PSD4: variants seen among roughly 807,000 people sequenced by gnomAD.
PSD4 encodes PH and SEC7 domain-containing protein 4.
Under a neutral mutation model 112.5 loss-of-function variants are expected in PSD4, and 59 were observed. The ratio of observed to expected loss-of-function variants is 0.52; its 90% CI spans 0.43 to 0.65. PSD4 has a LOEUF of 0.65. Among genes scored for constraint, PSD4 ranks in the 30% least tolerant of loss-of-function variants. The pLI is 0.00. For synonymous variants in PSD4, 533 were observed against 540.0 expected (o/e 0.99, Z 0.18); for missense variants, 1,267 against 1,352.6 (o/e 0.94, Z 0.99).
intron 6 of PSD4, among the ~76,000 whole-genome samples, 174 bp downstream of exon 6, chr2:113,192,763 A>G (rs1688486049): frequency 6.6e-6 from 1 of 151,896 alleles, no homozygotes; most frequent in Non-Finnish European, 1.5e-5. Context: ...ACTCTCAGTC[A>G]TGGTCCTCAT....
At chr2:113,193,786 G>A (rs2104504971) in intron 9 of PSD4, 73 bp from the exon 10 acceptor site, 2 of 1,573,720 alleles carry the variant, frequency 1.3e-6, no homozygotes, top group East Asian at 2.2e-5. Context: ...AGGGTTCCAT[G>A]GTTGCTGGCT....
At chr2:113,180,159 T>G (rs901534848) in intron 1 of PSD4, among the ~76,000 whole-genome samples, 15 of 152,106 alleles carry the variant, frequency 9.9e-5, no homozygotes, top group African/African-American at 3.1e-4. Context: ...CCCCTGACCT[T>G]CGTGAGAGAG....
At chr2:113,198,557 C>T in intron 14 of PSD4, 183 bp from the exon 15 acceptor site, 1 of 650,556 alleles carries the variant, frequency 1.5e-6, no homozygotes, top group South Asian at 3.8e-5. Context: ...CCAAATTTTC[C>T]TCTTTATTGA....
chr2:113,193,302 G>C lies in PSD4; in HGVS notation c.1964G>C (p.Arg655Pro), dbSNP rs149806578. ...ALVLSGETQE[R>P]ERILYQFSRR... ...GTGCTCAGTGGGGAGACTCAGGAACGGGAGCGAATCCTCTACCAGTTCTCC... is the reference window on the plus strand; with the variant it reads ...GTGCTCAGTGGGGAGACTCAGGAACCGGAGCGAATCCTCTACCAGTTCTCC... The change falls in exon 8 of 17, where the codon CGG becomes CCG. Residue 655 changes from arginine to proline, a missense_variant. This residue lies in a region of PSD4 where 544 missense variants were observed against 648.6 expected (regional missense o/e 0.84). Coordinates refer to ENST00000245796, the MANE Select transcript of PSD4 (RefSeq NM_012455.3). 8 of 1,596,644 alleles carry C rather than the reference G, an allele frequency of 5.0e-6. No individual in the cohort carries two copies. The African/African-American group carries it at 1.1e-4, about 22-fold the overall frequency.
At chr2:113,193,417 GC>G (rs1205053589) in intron 8 of PSD4, 47 bp downstream of exon 8, 1 of 1,574,870 alleles carries the variant, frequency 6.3e-7, no homozygotes, top group East Asian at 2.2e-5. Context: ...ACTTTGGGGT[GC>G]CCATGTCTGC....
Position 113,201,716 on chromosome 2 carries a change from T to C in PSD4, c.*301T>C. 1 of 425,126 alleles carries C rather than the reference T, an allele frequency of 2.4e-6. No homozygotes were observed. The highest frequency in any genetic ancestry group is 2.7e-5 in the South Asian group (1 of 36,504). 26.3% of individuals were successfully genotyped at this position (425,126 alleles called of 1,614,324 possible). A position where few individuals can be genotyped will look rare whatever the true frequency, so the allele number is the denominator to read the frequency against. ...TCCCAGAGCTCAGCCCATGTCACCC[T>C]CCAGGCCCCAGAATCCAGAGTGGCC... On this transcript the variant is annotated 3_prime_UTR_variant, in exon 17 of 17. Coordinates refer to ENST00000245796, the MANE Select transcript of PSD4 (RefSeq NM_012455.3).
In PSD4 at chr2:113,201,608, C is replaced by T; in HGVS notation, c.*193C>T. The T allele has an allele frequency of 2.6e-6, 2 of 763,744 alleles. No homozygotes were observed. Among genetic ancestry groups the T allele is most frequent in the African/African-American group, 1.8e-5 (1 of 56,932 alleles). 47.3% of individuals were successfully genotyped at this position (763,744 alleles called of 1,614,324 possible). Reference sequence around the variant, plus strand: ...AAGCTTTCCTAATATTGCTGTGCTCCCCACCACCCCCATGGCAGTCCCTCC... The same window carrying T: ...AAGCTTTCCTAATATTGCTGTGCTCTCCACCACCCCCATGGCAGTCCCTCC... On this transcript the variant is annotated 3_prime_UTR_variant, in exon 17 of 17. Coordinates refer to ENST00000245796, the MANE Select transcript of PSD4 (RefSeq NM_012455.3).
chr2:113,185,130 A>T, intron 3 of PSD4, 57 bp downstream of exon 3: 2 of 1,611,468 alleles, frequency 1.2e-6, no homozygotes, highest in South Asian at 2.2e-5. Flanking sequence ...GAGGAATATG[A>T]GCCCATTCAT....
chr2:113,192,391 G>T lies in PSD4; in HGVS notation c.1640G>T (p.Arg547Met). 6.2e-7 allele frequency: 1 copy of T among 1,614,158 alleles called. No individual in the cohort carries two copies. Among genetic ancestry groups the T allele is most frequent in the Non-Finnish European group, 8.5e-7 (1 of 1,180,002 alleles). Reference sequence around the variant, plus strand: ...ATGTCTATCTCAAGTGAGAATCTGAGGACACCGATGAACTCTTCTTGGCTT... The same window carrying T: ...ATGTCTATCTCAAGTGAGAATCTGATGACACCGATGAACTCTTCTTGGCTT... ...HLTSAEHENL[R>M]TPMNSSWLPG... Residue 547 changes from arginine (R) to methionine (M), a missense_variant, in exon 6 of 17, where the codon AGG becomes ATG. Transcript: ENST00000245796.
In PSD4 at chr2:113,201,417, G is replaced by T; in HGVS notation, c.*2G>T. On this transcript the variant is annotated 3_prime_UTR_variant, in exon 17 of 17. Transcript: ENST00000245796. ...AAGCGGAACCGCAATCAGCTGTGAA[G>T]CCAGCACCACCTCAGAGACACTGTT... The T allele has an allele frequency of 6.2e-7, 1 of 1,613,334 alleles. No individual in the cohort carries two copies. The highest frequency in any genetic ancestry group is 8.5e-7 in the Non-Finnish European group (1 of 1,179,926).
chr2:113,186,542 G>A (rs1392305812), intron 5 of PSD4, among the ~76,000 whole-genome samples: 1 of 152,190 alleles, frequency 6.6e-6, no homozygotes, highest in Middle Eastern at 3.2e-3. Context: ...GAGGAGGAAG[G>A]GGAGGAGGTG....
rs1688180624 is a variant in PSD4, at chr2:113,182,774, C to T, written c.318C>T (p.Pro106=). The change falls in exon 2 of 17, where the codon CCC becomes CCT. Residue 106 remains proline (P), a synonymous_variant. Transcript: ENST00000245796. ...AATCTACCAGACAAGATGCTCCTCC[C>T]TGGGGCTCCGGTGTGGAGCTCACAC... ...PPESTRQDAP[P]WGSGVELTHL... is the part of the protein sequence containing the mutation. 5 of 1,595,188 alleles carry T rather than the reference C, an allele frequency of 3.1e-6. No homozygotes were observed. Among genetic ancestry groups the T allele is most frequent in the African/African-American group, 2.7e-5 (2 of 74,610 alleles).
At chr2:113,189,457 G>T (rs1688394081) in intron 5 of PSD4, among the ~76,000 whole-genome samples, 1 of 151,918 alleles carries the variant, frequency 6.6e-6, no homozygotes, top group Non-Finnish European at 1.5e-5. Context: ...TGCAAATTGT[G>T]CTGCTATAAG....
intron 12 of PSD4, 21 bp downstream of exon 12, chr2:113,196,328 A>G: frequency 6.2e-7 from 1 of 1,604,178 alleles, no homozygotes; most frequent in Non-Finnish European, 8.5e-7. Context: ...GCTGCCCACA[A>G]ACAGGGTGGC....
At chr2:113,201,011 C>A in intron 16 of PSD4, 147 bp from the exon 17 acceptor site, 2 of 993,044 alleles carry the variant, frequency 2.0e-6, no homozygotes, top group Non-Finnish European at 3.0e-6. Flanking sequence ...AAGCATTATA[C>A]TGACACTCAC....
intron 8 of PSD4, 88 bp downstream of exon 8, chr2:113,193,458 G>A (rs1237396505): frequency 2.0e-6 from 3 of 1,483,360 alleles, no homozygotes; most frequent in South Asian, 2.3e-5. Context: ...CAGTGAACTG[G>A]TGGGAGTGTG....
chr2:113,194,932 C>T (rs1474956506), intron 10 of PSD4, among the ~76,000 whole-genome samples: 1 of 152,154 alleles, frequency 6.6e-6, no homozygotes, highest in African/African-American at 2.4e-5. Flanking sequence ...TTGCTAGGCA[C>T]CGCAAGAGCT....
rs1463327008 is a variant in PSD4 at position 113,185,025 on chromosome 2, A to T, written c.1125A>T (p.Gly375=). The T allele has an allele frequency of 6.2e-7, 1 of 1,614,112 alleles. No individual in the cohort carries two copies. Among genetic ancestry groups the T allele is most frequent in the Non-Finnish European group, 8.5e-7 (1 of 1,180,046 alleles). ...ACGAAGCATTGACCTGGGAATCAGG[A>T]TGTGTCGGATCTGATCTTGGCCCTG... is the stretch of plus-strand genomic sequence containing the variant. ...CVDEALTWES[G]CVGSDLGPAA... is the part of the protein sequence containing the mutation. Residue 375 remains glycine, a synonymous_variant, in exon 3 of 17, where the codon GGA becomes GGT. Transcript: ENST00000245796.
Position 113,193,262 on chromosome 2 carries a change from T to C in PSD4, c.1924T>C (p.Phe642Leu). Residue 642 changes from phenylalanine (F) to leucine (L), a missense_variant, in exon 8 of 17, where the codon TTC (phenylalanine) becomes CTC (leucine). Phe to Leu is a conservative substitution (Grantham distance 22). Coordinates refer to ENST00000245796, the MANE Select transcript of PSD4 (RefSeq NM_012455.3). ...GQSLDRALRSFLQALVLSGET... is the reference protein window; with the variant it reads ...GQSLDRALRSLLQALVLSGET... ...GACCCTGGCCCTCCTTTGCAGGAGC[T>C]TCCTCCAGGCCTTGGTGCTCAGTGG... 6.3e-7 allele frequency: 1 copy of C among 1,581,406 alleles called. No homozygotes were observed. Among genetic ancestry groups the C allele is most frequent in the South Asian group, 1.1e-5 (1 of 87,142 alleles).
Sources: allele counts gnomAD v4.1 joint callset (sites outside exome capture counted in the v4.1 genomes callset), GRCh38; gene constraint gnomAD v4.1.1; regional missense constraint gnomAD v4.1.1; transcripts MANE v1.5; gene names NCBI Gene and HGNC (gene_info 2026-07-23, HGNC 2026-07-21).